Variants in CAMK2N2 observed in about 807,000 individuals in gnomAD.
CAMK2N2 encodes the protein calcium/calmodulin-dependent protein kinase II inhibitor 2.
CAMK2N2 carries 3 observed loss-of-function variants against 7.8 expected under a neutral mutation model. The observed-to-expected ratio is 0.38, with a 90% CI of 0.18 to 0.99. The LOEUF (loss-of-function observed/expected upper bound fraction) is 0.99. Ranked by LOEUF, CAMK2N2 falls within the 50% of genes least tolerant of loss-of-function variation. The pLI is 0.37. For missense variants in CAMK2N2, 85 were observed against 108.4 expected (o/e 0.78, Z 0.96); for synonymous variants, 45 against 46.6 (o/e 0.97, Z 0.14).
rs1383079998 is a variant in CAMK2N2 at position 184,260,579 on chromosome 3, T to G, written c.170-352A>C. Among the ~76,000 whole-genome samples, 1 of 152,072 alleles carries G rather than the reference T, an allele frequency of 6.6e-6. No individual in the cohort carries two copies. The highest frequency in any genetic ancestry group is 1.5e-5 in the Non-Finnish European group (1 of 68,018). On this transcript the variant is annotated intron_variant, in intron 1 of 1. Coordinates refer to ENST00000296238, the MANE Select transcript of CAMK2N2 (RefSeq NM_033259.3). This position sits in a 1 kb window ranked among gnomAD's most constrained non-coding sequence, Gnocchi z 6.6. The stretch of plus-strand genomic sequence containing the variant: ...CCCGCACTTCAACAGATCCCCCTGC[T>G]CAAATGGGGCTCAAACCGAGTATCC...
Position 184,259,459 on chromosome 3 carries a change from C to A in CAMK2N2, c.*698G>T, listed in dbSNP as rs1392852753. The A allele has an allele frequency of 1.3e-5, 2 of 152,808 alleles. No individual in the cohort carries two copies. The highest frequency in any genetic ancestry group is 2.4e-5 in the African/African-American group (1 of 41,446). The allele number at this position is 152,808 out of a possible 1,614,324, so 9.5% of individuals were successfully genotyped here. On this transcript the variant is annotated 3_prime_UTR_variant, in exon 2 of 2. Transcript: ENST00000296238. Reference sequence around the variant, plus strand: ...TGCCAGAAAGCCTCCTGGGGTCAGGCCTGGGCAGACTGGCCATGTGGTTGG... The same window carrying A: ...TGCCAGAAAGCCTCCTGGGGTCAGGACTGGGCAGACTGGCCATGTGGTTGG...
At position 184,259,443 on chromosome 3, in the gene CAMK2N2, G is replaced by T. The variant is rs1172435202; in HGVS notation, c.*714C>A. The T allele has an allele frequency of 2.6e-5, 4 of 152,728 alleles. No individual in the cohort carries two copies. The highest frequency in any genetic ancestry group is 4.4e-5 in the Non-Finnish European group (3 of 68,150). 9.5% of individuals were successfully genotyped at this position (152,728 alleles called of 1,614,324 possible). On this transcript the variant is annotated 3_prime_UTR_variant, in exon 2 of 2. Coordinates refer to ENST00000296238, the MANE Select transcript of CAMK2N2 (RefSeq NM_033259.3). Reference sequence around the variant, plus strand: ...TTGGGGAGAAGGGGTCTGCCAGAAAGCCTCCTGGGGTCAGGCCTGGGCAGA... The same window carrying T: ...TTGGGGAGAAGGGGTCTGCCAGAAATCCTCCTGGGGTCAGGCCTGGGCAGA...
At position 184,261,211 on chromosome 3, in the gene CAMK2N2, G is replaced by A; in HGVS notation, c.75C>T (p.Ser25=). 1 of 1,608,094 alleles carries A rather than the reference G, an allele frequency of 6.2e-7. No homozygotes were observed. The highest frequency in any genetic ancestry group is 1.7e-4 in the Middle Eastern group (1 of 6,018). ...TGGTGTCCTGCAGGCGGCAGCTGAA[G>A]GAGAGGTCGGAGCCCTCGGGGTCTG... is the stretch of plus-strand genomic sequence containing the variant. ...FGADPEGSDL[S]FSCRLQDTNS... Residue 25 remains serine, a synonymous_variant, in exon 1 of 2, where the codon TCC becomes TCT. Coordinates refer to ENST00000296238, the MANE Select transcript of CAMK2N2 (RefSeq NM_033259.3). The surrounding 1 kb of genome is among the most constrained non-coding windows in gnomAD (Gnocchi z 5.1).
Position 184,260,157 on chromosome 3 carries a change from C to A in CAMK2N2, c.240G>T (p.Ter80TyrextTer79). Residue 80 changes from the stop codon to tyrosine, a stop_lost, in exon 2 of 2, where the codon TAG (stop) becomes TAT (tyrosine). Coordinates refer to ENST00000296238, the MANE Select transcript of CAMK2N2 (RefSeq NM_033259.3). This position sits in a 1 kb window ranked among gnomAD's most constrained non-coding sequence, Gnocchi z 6.6. ...GAGCCCGCCGCCCGAGCCGGCGCGT[C>A]TACACTCCGGACGGCGGCTTCTCCC... is the stretch of plus-strand genomic sequence containing the variant. ...GMGEKPPSGV[*>Y] 6.3e-7 allele frequency: 1 copy of A among 1,594,150 alleles called. No individual in the cohort carries two copies. Among genetic ancestry groups the A allele is most frequent in the Non-Finnish European group, 8.6e-7 (1 of 1,169,570 alleles).
Position 184,260,968 on chromosome 3 carries a change from G to C in CAMK2N2, c.169+149C>G, listed in dbSNP as rs78343338. ...GGAAGAGGGGGACACACACTGCAGC[G>C]GGGACCCCCCCCTCCAGCCCGGGCT... On this transcript the variant is annotated intron_variant, in intron 1 of 1. Transcript: ENST00000296238. The surrounding 1 kb of genome is among the most constrained non-coding windows in gnomAD (Gnocchi z 6.6). The C allele has an allele frequency of 0.011, 8,996 of 808,336 alleles. 663 individuals are homozygous for C. In the African/African-American group the frequency reaches 0.15, roughly 13 times the overall value. 50.1% of individuals were successfully genotyped at this position (808,336 alleles called of 1,614,324 possible). A position where few individuals can be genotyped will look rare whatever the true frequency, so the allele number is the denominator to read the frequency against.
chr3:184,261,222 A>G lies in CAMK2N2; in HGVS notation c.64T>C (p.Ser22Pro). Residue 22 changes from serine to proline, a missense_variant, in exon 1 of 2, where the codon TCC becomes CCC. Transcript: ENST00000296238. The surrounding 1 kb of genome is among the most constrained non-coding windows in gnomAD (Gnocchi z 5.1). ...MGRFGADPEG[S>P]DLSFSCRLQD... ...AGGCGGCAGCTGAAGGAGAGGTCGG[A>G]GCCCTCGGGGTCTGCGCCGAAGCGG... The G allele has an allele frequency of 6.2e-7, 1 of 1,606,360 alleles. No individual in the cohort carries two copies. The highest frequency in any genetic ancestry group is 8.5e-7 in the Non-Finnish European group (1 of 1,177,320).
rs1720019233 is a variant in CAMK2N2, at chr3:184,260,856, C to T, written c.169+261G>A. Among the ~76,000 whole-genome samples, 1 of 152,234 alleles carries T rather than the reference C, an allele frequency of 6.6e-6. No homozygotes were observed. The highest frequency in any genetic ancestry group is 6.5e-5 in the Admixed American group (1 of 15,284). ...TTCCGTGCAGCCCCAAATGCCCCGA[C>T]CGGCCCCTCCCCCTCGCCCGGGTGC... is the stretch of plus-strand genomic sequence containing the variant. On this transcript the variant is annotated intron_variant, in intron 1 of 1. Transcript: ENST00000296238. The surrounding 1 kb of genome is among the most constrained non-coding windows in gnomAD (Gnocchi z 6.6).
Position 184,259,967 on chromosome 3 carries a change from C to G in CAMK2N2, c.*190G>C, listed in dbSNP as rs755834685. 4,200 of 158,760 alleles carry G rather than the reference C, an allele frequency of 0.026. 86 individuals are homozygous for G. Among genetic ancestry groups the G allele is most frequent in the Non-Finnish European group, 0.037 (2,796 of 74,906 alleles). The allele number at this position is 158,760 out of a possible 1,614,324, so 9.8% of individuals were successfully genotyped here. A position where few individuals can be genotyped will look rare whatever the true frequency, so the allele number is the denominator to read the frequency against. On this transcript the variant is annotated 3_prime_UTR_variant, in exon 2 of 2. Transcript: ENST00000296238. ...CGGGTTCCGGGCGGGTCCGCGCCGC[C>G]GCTACCGCGGCCGCCGTGGTGCTGA...
Position 184,260,124 on chromosome 3 carries a change from T to G in CAMK2N2, c.*33A>C. 2 of 1,416,064 alleles carry G rather than the reference T, an allele frequency of 1.4e-6. No homozygotes were observed. Among genetic ancestry groups the G allele is most frequent in the Non-Finnish European group, 9.4e-7 (1 of 1,069,304 alleles). 87.7% of individuals were successfully genotyped at this position (1,416,064 alleles called of 1,614,324 possible). A position where few individuals can be genotyped will look rare whatever the true frequency, so the allele number is the denominator to read the frequency against. ...CCCGCGCTCCTGGCCGCTGCGAGGC[T>G]GGGCCCGGAGCCCGCCGCCCGAGCC... On this transcript the variant is annotated 3_prime_UTR_variant, in exon 2 of 2. Coordinates refer to ENST00000296238, the MANE Select transcript of CAMK2N2 (RefSeq NM_033259.3). This position sits in a 1 kb window ranked among gnomAD's most constrained non-coding sequence, Gnocchi z 6.6.
Position 184,260,067 on chromosome 3 carries a change from G to T in CAMK2N2, c.*90C>A, listed in dbSNP as rs942767748. On this transcript the variant is annotated 3_prime_UTR_variant, in exon 2 of 2. Coordinates refer to ENST00000296238, the MANE Select transcript of CAMK2N2 (RefSeq NM_033259.3). This position sits in a 1 kb window ranked among gnomAD's most constrained non-coding sequence, Gnocchi z 6.6. ...CCCCCGCCCGCGGGCGCCTGGGCCGGGGCGGGGGGGCGCCGGCAGCCGCAT... is the reference window on the plus strand; with the variant it reads ...CCCCCGCCCGCGGGCGCCTGGGCCGTGGCGGGGGGGCGCCGGCAGCCGCAT... 2.1e-5 allele frequency: 15 copies of T among 717,326 alleles called. No homozygotes were observed. The African/African-American group carries it at 2.5e-4, about 12-fold the overall frequency. The allele number at this position is 717,326 out of a possible 1,614,324, so 44.4% of individuals were successfully genotyped here.
chr3:184,261,071 G>C lies in CAMK2N2; in HGVS notation c.169+46C>G, dbSNP rs779224709. On this transcript the variant is annotated intron_variant, in intron 1 of 1. Transcript: ENST00000296238. This position sits in a 1 kb window ranked among gnomAD's most constrained non-coding sequence, Gnocchi z 5.1. Reference sequence around the variant, plus strand: ...GAACGGCAGCCGGGGGGCGCCCGGCGGAGGGTTTCTGGGTCAGGCGGCGAC... The same window carrying C: ...GAACGGCAGCCGGGGGGCGCCCGGCCGAGGGTTTCTGGGTCAGGCGGCGAC... 1.8e-5 allele frequency: 28 copies of C among 1,538,846 alleles called. No individual in the cohort carries two copies. Among genetic ancestry groups the C allele is most frequent in the Non-Finnish European group, 2.4e-5 (28 of 1,150,082 alleles).
In CAMK2N2 at chr3:184,260,630, T is replaced by C. The variant is rs543073150; in HGVS notation, c.170-403A>G. Among the ~76,000 whole-genome samples, 58 of 152,178 alleles carry C rather than the reference T, an allele frequency of 3.8e-4. No individual in the cohort carries two copies. The highest frequency in any genetic ancestry group is 1.3e-3 in the African/African-American group (55 of 41,514). On this transcript the variant is annotated intron_variant, in intron 1 of 1. Transcript: ENST00000296238. The surrounding 1 kb of genome is among the most constrained non-coding windows in gnomAD (Gnocchi z 6.6). ...AGCTGGTCCAGCCCTCTCCTCAACC[T>C]GAGCCCTCTCGCCGCTGGAACCCCT...
Position 184,261,412 on chromosome 3 carries a change from G to C in CAMK2N2, c.-127C>G, listed in dbSNP as rs2108454638. 2 of 763,206 alleles carry C rather than the reference G, an allele frequency of 2.6e-6. No individual in the cohort carries two copies. Among genetic ancestry groups the C allele is most frequent in the Non-Finnish European group, 3.5e-6 (2 of 566,166 alleles). The allele number at this position is 763,206 out of a possible 1,614,324, so 47.3% of individuals were successfully genotyped here. A position where few individuals can be genotyped will look rare whatever the true frequency, so the allele number is the denominator to read the frequency against. ...AAGGATGAAGTCATGCAGCATCCGG[G>C]GCTGAGGAGCCAAGCGGGGCCTCCT... is the stretch of plus-strand genomic sequence containing the variant. On this transcript the variant is annotated 5_prime_UTR_variant, in exon 1 of 2. Transcript: ENST00000296238. This position sits in a 1 kb window ranked among gnomAD's most constrained non-coding sequence, Gnocchi z 5.1.
rs762658496 is a variant in CAMK2N2 at position 184,261,128 on chromosome 3, C to T, written c.158G>A (p.Arg53Gln). The T allele has an allele frequency of 6.2e-7, 1 of 1,603,120 alleles. No homozygotes were observed. The highest frequency in any genetic ancestry group is 1.7e-5 in the Admixed American group (1 of 59,426). The change falls in exon 1 of 2, where the codon CGA becomes CAA. Residue 53 changes from arginine to glutamine, a missense_variant. Physicochemically the swap from Arg to Gln is conservative, Grantham distance 43. Transcript: ENST00000296238. The surrounding 1 kb of genome is among the most constrained non-coding windows in gnomAD (Gnocchi z 5.1). Reference sequence around the variant, plus strand: ...CCCGGGCCGCGTACCTCGCTTGGCTCGGCCGATCTGGCCCAGCTTGGGGGG... The same window carrying T: ...CCCGGGCCGCGTACCTCGCTTGGCTTGGCCGATCTGGCCCAGCTTGGGGGG... Reference protein sequence around the residue: ...KRPPKLGQIGRAKRVVIEDDR... With the variant: ...KRPPKLGQIGQAKRVVIEDDR...
chr3:184,261,355 G>T lies in CAMK2N2; in HGVS notation c.-70C>A. ...GGCGCGGGCGGCGGGCTTGCTGCCG[G>T]ACCGGCCCTACCTCAGCAGGGGAGC... On this transcript the variant is annotated 5_prime_UTR_variant, in exon 1 of 2. Coordinates refer to ENST00000296238, the MANE Select transcript of CAMK2N2 (RefSeq NM_033259.3). The surrounding 1 kb of genome is among the most constrained non-coding windows in gnomAD (Gnocchi z 5.1). 1 of 1,290,312 alleles carries T rather than the reference G, an allele frequency of 7.8e-7. No individual in the cohort carries two copies. Among genetic ancestry groups the T allele is most frequent in the Non-Finnish European group, 9.9e-7 (1 of 1,005,070 alleles). 79.9% of individuals were successfully genotyped at this position (1,290,312 alleles called of 1,614,324 possible). A position where few individuals can be genotyped will look rare whatever the true frequency, so the allele number is the denominator to read the frequency against.
chr3:184,260,398 C>T lies in CAMK2N2; in HGVS notation c.170-171G>A, dbSNP rs1720001639. On this transcript the variant is annotated intron_variant, in intron 1 of 1. Transcript: ENST00000296238. The surrounding 1 kb of genome is among the most constrained non-coding windows in gnomAD (Gnocchi z 6.6). ...CGAACTCTTCTGGAGACCCAACCCG[C>T]CGCCAAGCCTAGACCCCCTCCCCTC... Among the ~76,000 whole-genome samples the T allele has an allele frequency of 6.6e-6, 1 of 152,224 alleles. No individual in the cohort carries two copies. Among genetic ancestry groups the T allele is most frequent in the Non-Finnish European group, 1.5e-5 (1 of 68,040 alleles).
At position 184,261,050 on chromosome 3, in the gene CAMK2N2, G is replaced by T. The variant is rs1030151978; in HGVS notation, c.169+67C>A. On this transcript the variant is annotated intron_variant, in intron 1 of 1. Coordinates refer to ENST00000296238, the MANE Select transcript of CAMK2N2 (RefSeq NM_033259.3). The surrounding 1 kb of genome is among the most constrained non-coding windows in gnomAD (Gnocchi z 5.1). ...GAGCTGCGGGCACTCGGCGGGGAAC[G>T]GCAGCCGGGGGGCGCCCGGCGGAGG... 5 of 1,457,884 alleles carry T rather than the reference G, an allele frequency of 3.4e-6. No homozygotes were observed. The highest frequency in any genetic ancestry group is 4.9e-4 in the Middle Eastern group (2 of 4,086). 90.3% of individuals were successfully genotyped at this position (1,457,884 alleles called of 1,614,324 possible). A position where few individuals can be genotyped will look rare whatever the true frequency, so the allele number is the denominator to read the frequency against.
In CAMK2N2 at chr3:184,260,821, G is replaced by A. The variant is rs1294554147; in HGVS notation, c.169+296C>T. ...TCCCAAAGAATCAGCCCGTTACCCC[G>A]TGCTCCCACTTCCGTGCAGCCCCAA... On this transcript the variant is annotated intron_variant, in intron 1 of 1. Transcript: ENST00000296238. The surrounding 1 kb of genome is among the most constrained non-coding windows in gnomAD (Gnocchi z 6.6). Among the ~76,000 whole-genome samples, 2 of 152,142 alleles carry A rather than the reference G, an allele frequency of 1.3e-5. No individual in the cohort carries two copies. The highest frequency in any genetic ancestry group is 2.9e-5 in the Non-Finnish European group (2 of 68,028).
chr3:184,261,256 G>A lies in CAMK2N2; in HGVS notation c.30C>T (p.Asp10=). ...GGTCTGCGCCGAAGCGGCCCATCTTGTCTTCGCTGTAGGGCAGGATCTCGG... is the reference window on the plus strand; with the variant it reads ...GGTCTGCGCCGAAGCGGCCCATCTTATCTTCGCTGTAGGGCAGGATCTCGG... MSEILPYSE[D]KMGRFGADPE... Residue 10 remains aspartate, a synonymous_variant, in exon 1 of 2, where the codon GAC becomes GAT. Transcript: ENST00000296238. This position sits in a 1 kb window ranked among gnomAD's most constrained non-coding sequence, Gnocchi z 5.1. The A allele has an allele frequency of 6.3e-7, 1 of 1,596,516 alleles. No individual in the cohort carries two copies. Among genetic ancestry groups the A allele is most frequent in the South Asian group, 1.1e-5 (1 of 89,248 alleles).
Sources: gnomAD v4.1 joint callset for allele counts (sites outside exome capture counted in the v4.1 genomes callset) on GRCh38, gnomAD v4.1.1 for gene constraint, Gnocchi (gnomAD v3.1) non-coding constraint, MANE v1.5 for transcripts, NCBI Gene and HGNC (gene_info 2026-07-23, HGNC 2026-07-21) for gene names.